The following ROBO2 variants were observed in gnomAD, a reference collection of about 807,000 sequenced individuals.
ROBO2 encodes the protein roundabout homolog 2.
Under a neutral mutation model 160.8 loss-of-function variants are expected in ROBO2, and 53 were observed. The ratio of observed to expected loss-of-function variants is 0.33; its 90% CI spans 0.26 to 0.41. The LOEUF (loss-of-function observed/expected upper bound fraction) is 0.41, where lower values mean the gene tolerates loss of function less well. Among genes scored for constraint, ROBO2 ranks in the 10% least tolerant of loss-of-function variants. The pLI is 1.00. For synonymous variants in ROBO2, 664 were observed against 611.7 expected (o/e 1.09, Z -1.26); for missense variants, 1,577 against 1,722.4 (o/e 0.92, Z 1.49).
chr3:76,452,778 T>C (rs2077542523), intron 2 of ROBO2, among the ~76,000 whole-genome samples: 1 of 152,170 alleles, frequency 6.6e-6, no homozygotes, highest in Non-Finnish European at 1.5e-5. Context: ...TGAACTAGTT[T>C]ACAGTCCCAC....
At chr3:76,297,964 A>T (rs1028299274) in intron 2 of ROBO2, among the ~76,000 whole-genome samples, 3 of 152,184 alleles carry the variant, frequency 2.0e-5, no homozygotes, top group African/African-American at 7.2e-5. Context: ...CACAGAGACA[A>T]CATTGTGAAA....
At chr3:76,291,773 T>C (rs1273677897) in intron 2 of ROBO2, among the ~76,000 whole-genome samples, 1 of 152,196 alleles carries the variant, frequency 6.6e-6, no homozygotes, top group Non-Finnish European at 1.5e-5. Flanking sequence ...ATTTCATTAT[T>C]TACCCAAAAG....
chr3:76,867,523 G>A (rs1237390090), intron 2 of ROBO2, among the ~76,000 whole-genome samples: 1 of 152,148 alleles, frequency 6.6e-6, no homozygotes, highest in Non-Finnish European at 1.5e-5. Context: ...TATTGCTAAA[G>A]CTCAATTTGG....
intron 2 of ROBO2, among the ~76,000 whole-genome samples, chr3:76,397,805 C>T (rs2077554209): frequency 6.6e-6 from 1 of 151,866 alleles, no homozygotes; most frequent in Non-Finnish European, 1.5e-5. Flanking sequence ...GAATGGCAAT[C>T]ATTAAAAAGT....
chr3:77,632,696 T>C, intron 23 of ROBO2: 2 of 1,496,256 alleles, frequency 1.3e-6, no homozygotes, highest in Non-Finnish European at 1.8e-6. Context: ...CATGAGAGAA[T>C]CTTGTCCTTG....
At chr3:76,063,944 T>C (rs780770829) in intron 2 of ROBO2, among the ~76,000 whole-genome samples, 25 of 152,178 alleles carry the variant, frequency 1.6e-4, no homozygotes, top group Non-Finnish European at 2.5e-4. Flanking sequence ...TTTAGAGAAG[T>C]AAGCTGCTAT....
At position 77,040,224 on chromosome 3, in the gene ROBO2, A is replaced by G. The variant is rs886058873; in HGVS notation, c.-562A>G. On this transcript the variant is annotated 5_prime_UTR_variant, in exon 1 of 26. Transcript: ENST00000461745. ...AGGCCCGCCAAGTCTGCCCGCCTGC[A>G]AAGTGTTGCTTTGACACATTCTTAT... The G allele has an allele frequency of 1.2e-5, 12 of 986,840 alleles. No individual in the cohort carries two copies. The East Asian group carries it at 1.1e-3, about 93-fold the overall frequency. The allele number at this position is 986,840 out of a possible 1,614,324, so 61.1% of individuals were successfully genotyped here.
intron 2 of ROBO2, among the ~76,000 whole-genome samples, chr3:76,461,030 A>T (rs1266975469): frequency 6.6e-6 from 1 of 152,230 alleles, no homozygotes; most frequent in African/African-American, 2.4e-5. Context: ...CATTGCTATA[A>T]AGAAATACCT....
intron 2 of ROBO2, among the ~76,000 whole-genome samples, chr3:76,839,866 T>A (rs1425980530): frequency 1.3e-5 from 2 of 152,160 alleles, no homozygotes; most frequent in African/African-American, 4.8e-5. Flanking sequence ...TGTATTTAGG[T>A]TTTTTATTTC....
Position 75,924,750 on chromosome 3 carries a change from A to G in ROBO2, c.-13-12731A>G, listed in dbSNP as rs535412668. Among the ~76,000 whole-genome samples, 25 of 113,174 alleles carry G rather than the reference A, an allele frequency of 2.2e-4. No homozygotes were observed. The Admixed American group carries it at 2.4e-3, about 11-fold the overall frequency. 74.2% of individuals were successfully genotyped at this position (113,174 alleles called of 152,430 possible). A position where few individuals can be genotyped will look rare whatever the true frequency, so the allele number is the denominator to read the frequency against. Reference sequence around the variant, plus strand: ...GTGGCTCAGGCTGGAGTGCAGTGGCACGATCTCGGCTCACTGCAAGCTCTG... The same window carrying G: ...GTGGCTCAGGCTGGAGTGCAGTGGCGCGATCTCGGCTCACTGCAAGCTCTG... On this transcript the variant is annotated intron_variant, in intron 1 of 26. Coordinates refer to the ROBO2 transcript ENST00000487694.
intron 2 of ROBO2, among the ~76,000 whole-genome samples, chr3:76,942,413 C>T (rs1345166731): frequency 6.6e-6 from 1 of 152,182 alleles, no homozygotes; most frequent in East Asian, 1.9e-4. Flanking sequence ...ACCTGGTTTT[C>T]TCTTAAAATA....
chr3:76,161,792 A>G (rs909500482), intron 2 of ROBO2, among the ~76,000 whole-genome samples: 14 of 151,876 alleles, frequency 9.2e-5, no homozygotes, highest in African/African-American at 3.4e-4. Context: ...CATCTCTTTT[A>G]CCTGCCTCTG....
chr3:76,379,328 TAC>T (rs1282535253), intron 2 of ROBO2, among the ~76,000 whole-genome samples: 1 of 152,190 alleles, frequency 6.6e-6, no homozygotes, highest in African/African-American at 2.4e-5. Context: ...ACTTGAAATC[TAC>T]ACTTTTATTT....
chr3:76,190,984 A>G (rs2107176557), intron 2 of ROBO2, among the ~76,000 whole-genome samples: 1 of 152,244 alleles, frequency 6.6e-6, no homozygotes, highest in South Asian at 2.1e-4. Flanking sequence ...AACATTTTAA[A>G]GAACAGCCTT....
chr3:77,072,768 G>A (rs1464410728), intron 1 of ROBO2, among the ~76,000 whole-genome samples: 1 of 152,150 alleles, frequency 6.6e-6, no homozygotes, highest in Non-Finnish European at 1.5e-5. Context: ...TATATTTTCT[G>A]TTTAATATGT....
At chr3:77,443,457 G>A (rs1402064406) in intron 2 of ROBO2, among the ~76,000 whole-genome samples, 2 of 151,986 alleles carry the variant, frequency 1.3e-5, no homozygotes, top group African/African-American at 2.4e-5. Flanking sequence ...TTTAAGTAGT[G>A]CAGTTCTAGT....
intron 2 of ROBO2, among the ~76,000 whole-genome samples, chr3:77,309,756 A>G (rs946356468): frequency 2.6e-5 from 4 of 152,200 alleles, no homozygotes; most frequent in African/African-American, 9.6e-5. Flanking sequence ...TTCTCTGGAC[A>G]ATCCAAGAGG....
chr3:77,056,956 T>C (rs1186104663), intron 1 of ROBO2, among the ~76,000 whole-genome samples: 1 of 152,118 alleles, frequency 6.6e-6, no homozygotes, highest in Admixed American at 6.6e-5. Context: ...GAGATCCCAT[T>C]ACTGGTTATA....
intron 2 of ROBO2, among the ~76,000 whole-genome samples, chr3:77,249,750 AGT>A (rs528454892): frequency 6.6e-6 from 1 of 152,034 alleles, no homozygotes; most frequent in Non-Finnish European, 1.5e-5. Context: ...CAGAAATCAG[AGT>A]GTTTCTTTTA....
Sources: allele counts gnomAD v4.1 joint callset (sites outside exome capture counted in the v4.1 genomes callset), GRCh38; gene constraint gnomAD v4.1.1; transcripts MANE v1.5; gene names NCBI Gene and HGNC (gene_info 2026-07-23, HGNC 2026-07-21).